Variants in KDM4C observed in about 807,000 individuals in gnomAD.
KDM4C encodes lysine-specific demethylase 4C.
KDM4C carries 81 observed loss-of-function variants against 129.3 expected under a neutral mutation model. That is an observed-to-expected ratio of 0.63 (90% CI 0.52 to 0.75). KDM4C has a LOEUF of 0.75. KDM4C is among the 30% of genes least tolerant of loss of function. The pLI is 0.00. For missense variants in KDM4C, 1,457 were observed against 1,304.0 expected, an observed-to-expected ratio of 1.12 and a Z score of -1.81; for synonymous variants, 573 against 456.1, an observed-to-expected ratio of 1.26 and a Z score of -3.26.
At chr9:7,088,233 A>G (rs1372652991) in intron 17 of KDM4C, among the ~76,000 whole-genome samples, 1 of 152,206 alleles carries the variant, frequency 6.6e-6, no homozygotes, top group Non-Finnish European at 1.5e-5. Flanking sequence ...GGCAGGAGCC[A>G]TGGGGCCAAA....
intron 6 of KDM4C, among the ~76,000 whole-genome samples, chr9:6,880,734 T>G (rs1418786289): frequency 6.6e-6 from 1 of 152,246 alleles, no homozygotes; most frequent in Admixed American, 6.5e-5. Context: ...TTGATGATCC[T>G]GTGCCTGCTT....
At chr9:6,735,928 C>T (rs1331866321) in intron 1 of KDM4C, among the ~76,000 whole-genome samples, 1 of 152,102 alleles carries the variant, frequency 6.6e-6, no homozygotes, top group Non-Finnish European at 1.5e-5. Context: ...TGGCTTTGAC[C>T]AAAATGCTGA....
At chr9:6,774,741 A>G (rs1822642113) in intron 1 of KDM4C, among the ~76,000 whole-genome samples, 1 of 152,188 alleles carries the variant, frequency 6.6e-6, no homozygotes. Flanking sequence ...TTTCATCTTA[A>G]AAAAGGTTTT....
At chr9:6,898,424 T>A (rs1816809400) in intron 8 of KDM4C, among the ~76,000 whole-genome samples, 1 of 152,178 alleles carries the variant, frequency 6.6e-6, no homozygotes, top group African/African-American at 2.4e-5. Flanking sequence ...AATATTATCT[T>A]ATTGGAAGGA....
chr9:6,874,931 T>TAAAAAAAA (rs34854547), intron 5 of KDM4C, among the ~76,000 whole-genome samples: 2 of 133,038 alleles, frequency 1.5e-5, no homozygotes, highest in Non-Finnish European at 1.6e-5. Flanking sequence ...TCTCTACAGT[T>TAAAAAAAA]AAAAAAAAAA....
chr9:6,972,704 C>T (rs990745509), intron 8 of KDM4C, among the ~76,000 whole-genome samples: 2 of 152,164 alleles, frequency 1.3e-5, no homozygotes, highest in African/African-American at 4.8e-5. Flanking sequence ...CTAATGGTAA[C>T]AGTCATGGGA....
chr9:7,105,148 A>AG (rs1190022086), intron 18 of KDM4C, among the ~76,000 whole-genome samples: 1 of 152,228 alleles, frequency 6.6e-6, no homozygotes, highest in African/African-American at 2.4e-5. Context: ...AAAAATACCT[A>AG]GTAATAACAC....
chr9:6,757,847 C>T (rs1182416738), upstream of KDM4C: 3 of 985,490 alleles, frequency 3.0e-6, no homozygotes, highest in Non-Finnish European at 3.6e-6. Flanking sequence ...CTAAGTTAAC[C>T]ACAGCGCGGA....
At chr9:7,014,051 C>T in intron 14 of KDM4C, 50 bp downstream of exon 14, 1 of 1,482,198 alleles carries the variant, frequency 6.7e-7, no homozygotes. Context: ...CATTTCACAT[C>T]ATCTTTATTT....
At chr9:6,881,609 A>T (rs1439679263) in intron 6 of KDM4C, among the ~76,000 whole-genome samples, 1 of 152,254 alleles carries the variant, frequency 6.6e-6, no homozygotes, top group Non-Finnish European at 1.5e-5. Flanking sequence ...AAAATTTCTG[A>T]TATAAACTTC....
intron 1 of KDM4C, among the ~76,000 whole-genome samples, chr9:6,737,982 C>T (rs749953619): frequency 1.3e-5 from 2 of 149,864 alleles, no homozygotes; most frequent in Non-Finnish European, 3.0e-5. Context: ...AAAATACCAA[C>T]AATTTGCTGG....
intron 18 of KDM4C, among the ~76,000 whole-genome samples, chr9:7,110,664 T>C (rs1838223329): frequency 6.6e-6 from 1 of 152,204 alleles, no homozygotes; most frequent in Non-Finnish European, 1.5e-5. Flanking sequence ...GGTCTCTTTC[T>C]TTAAGAGCAA....
At chr9:7,152,614 G>A (rs1842825127) in intron 19 of KDM4C, among the ~76,000 whole-genome samples, 1 of 152,188 alleles carries the variant, frequency 6.6e-6, no homozygotes, top group African/African-American at 2.4e-5. Flanking sequence ...TTCTGAAGAT[G>A]GAGAGTGGTG....
intron 1 of KDM4C, among the ~76,000 whole-genome samples, chr9:6,732,623 G>A (rs10975810): frequency 0.21 from 31,973 of 152,080 alleles, 3,432 homozygotes; most frequent in African/African-American, 0.25. Flanking sequence ...AACAAATGGT[G>A]AAGGTCACAC....
At chr9:7,093,096 C>T (rs1835991228) in intron 17 of KDM4C, among the ~76,000 whole-genome samples, 1 of 152,042 alleles carries the variant, frequency 6.6e-6, no homozygotes. Flanking sequence ...TTTTTCATGA[C>T]AGAAAAAGAA....
intron 12 of KDM4C, among the ~76,000 whole-genome samples, chr9:7,008,466 A>G (rs1822084761): frequency 6.6e-6 from 1 of 152,062 alleles, no homozygotes; most frequent in African/African-American, 2.4e-5. Flanking sequence ...GACAACCCCC[A>G]CAGACCCAGG....
chr9:7,135,324 T>C (rs1841081586), intron 19 of KDM4C, among the ~76,000 whole-genome samples: 1 of 152,216 alleles, frequency 6.6e-6, no homozygotes, highest in African/African-American at 2.4e-5. Flanking sequence ...CTCAAGGTGA[T>C]TGGCATTGGG....
chr9:6,964,302 A>T (rs1381083563), intron 8 of KDM4C, among the ~76,000 whole-genome samples: 1 of 145,884 alleles, frequency 6.9e-6, no homozygotes, highest in African/African-American at 2.5e-5. Context: ...AAGCGTTCTC[A>T]TTGTTCAATT....
chr9:7,084,550 A>G (rs16925302), intron 17 of KDM4C, among the ~76,000 whole-genome samples: 6,846 of 151,912 alleles, frequency 0.045, 232 homozygotes, highest in East Asian at 0.14. Context: ...CTGCATGACT[A>G]TTCATAAGGC....
Sources: gnomAD v4.1 joint callset for allele counts (sites outside exome capture counted in the v4.1 genomes callset) on GRCh38, gnomAD v4.1.1 for gene constraint, MANE v1.5 for transcripts, NCBI Gene and HGNC (gene_info 2026-07-23, HGNC 2026-07-21) for gene names.